Variants in ASPRV1 observed in about 807,000 individuals in gnomAD.
The protein encoded by ASPRV1 is retroviral-like aspartic protease 1.
A neutral mutation model predicts 11.0 loss-of-function variants in ASPRV1; 7 were observed. The observed-to-expected ratio is 0.64, with a 90% confidence interval of 0.36 to 1.20. The LOEUF is 1.20. Ranked by LOEUF, ASPRV1 falls within the 50% of genes most tolerant of loss-of-function variation. ASPRV1 has a pLI of 0.02. For synonymous variants in ASPRV1, 136 were observed against 138.4 expected (o/e 0.98, Z 0.12); for missense variants, 299 against 320.0 (o/e 0.93, Z 0.50).
downstream of ASPRV1, among the ~76,000 whole-genome samples, chr2:69,957,938 G>C (rs963351599): frequency 6.6e-5 from 10 of 152,146 alleles, no homozygotes; most frequent in African/African-American, 2.4e-4. Flanking sequence ...TCCCAGCAGA[G>C]CCTTTGCTGC....
chr2:70,027,219 A>G, the ASPRV1 span, among the ~76,000 whole-genome samples: 10 of 136,008 alleles, frequency 7.4e-5, no homozygotes, highest in Non-Finnish European at 1.1e-4. Flanking sequence ...GATCCTGGCC[A>G]CTGCACTCAG....
the ASPRV1 span, among the ~76,000 whole-genome samples, chr2:70,002,799 G>T: frequency 3.9e-5 from 6 of 152,124 alleles, no homozygotes; most frequent in African/African-American, 1.4e-4. Context: ...TCTTAAACTG[G>T]GGGGCTGATC....
the ASPRV1 span, among the ~76,000 whole-genome samples, chr2:70,022,078 G>A: frequency 1.5e-4 from 22 of 150,642 alleles, no homozygotes; most frequent in East Asian, 3.8e-3. Context: ...GCAGTGGTGC[G>A]ATCTCGGCTC....
chr2:70,040,876 G>A, the ASPRV1 span, among the ~76,000 whole-genome samples: 4 of 152,160 alleles, frequency 2.6e-5, no homozygotes, highest in Non-Finnish European at 5.9e-5. Context: ...GCAAATACTT[G>A]TAGACTGACC....
the ASPRV1 span, among the ~76,000 whole-genome samples, chr2:70,069,960 T>C: frequency 6.6e-6 from 1 of 152,086 alleles, no homozygotes; most frequent in Non-Finnish European, 1.5e-5. Flanking sequence ...CAACAAGTGT[T>C]ATTTTTAAAA....
At chr2:70,084,082 G>A in the ASPRV1 span, among the ~76,000 whole-genome samples, 1 of 152,186 alleles carries the variant, frequency 6.6e-6, no homozygotes, top group Non-Finnish European at 1.5e-5. Flanking sequence ...GGGGAAGGAG[G>A]GAGGCTAAGA....
the ASPRV1 span, among the ~76,000 whole-genome samples, chr2:70,026,033 G>A: frequency 6.6e-6 from 1 of 152,182 alleles, no homozygotes; most frequent in African/African-American, 2.4e-5. Context: ...TCTAAGATAT[G>A]GAACAACAGC....
chr2:70,020,711 C>T, the ASPRV1 span, among the ~76,000 whole-genome samples: 2 of 152,052 alleles, frequency 1.3e-5, no homozygotes, highest in East Asian at 1.9e-4. Flanking sequence ...CATTGCACTC[C>T]AGCCTGGGCA....
At chr2:70,006,349 C>T in the ASPRV1 span, among the ~76,000 whole-genome samples, 32 of 152,218 alleles carry the variant, frequency 2.1e-4, no homozygotes, top group African/African-American at 6.7e-4. Context: ...GGGCCCCCTA[C>T]GGTTAGGTGT....
At chr2:70,075,845 G>A in the ASPRV1 span, among the ~76,000 whole-genome samples, 5 of 150,898 alleles carry the variant, frequency 3.3e-5, no homozygotes, top group East Asian at 3.9e-4. Flanking sequence ...GCAAAACTCC[G>A]TCTCAAAGAA....
At chr2:70,068,390 A>T in the ASPRV1 span, among the ~76,000 whole-genome samples, 11 of 152,210 alleles carry the variant, frequency 7.2e-5, no homozygotes, top group African/African-American at 2.7e-4. Context: ...TAAAGATTCC[A>T]AATGAAGTGC....
chr2:69,958,672 T>C (rs1193936165), downstream of ASPRV1, among the ~76,000 whole-genome samples: 2 of 152,038 alleles, frequency 1.3e-5, no homozygotes, highest in African/African-American at 2.4e-5. Context: ...GCCACCTGGA[T>C]TGTTCCCTCG....
At chr2:69,964,588 C>T, upstream of ASPRV1, 1 of 267,944 alleles carries the variant, frequency 3.7e-6, no homozygotes, top group East Asian at 1.0e-4. Context: ...GTGCCACTAC[C>T]TCCTCCCAGA....
the ASPRV1 span, chr2:70,049,496 A>G: frequency 6.6e-6 from 1 of 152,132 alleles, no homozygotes; most frequent in Admixed American, 6.6e-5. Context: ...AAATAAGCTG[A>G]CTAGCACAGA....
At chr2:70,082,132 G>A in the ASPRV1 span, among the ~76,000 whole-genome samples, 8 of 151,056 alleles carry the variant, frequency 5.3e-5, no homozygotes, top group East Asian at 1.4e-3. Context: ...GCACCATCAC[G>A]CCCAGCTAAT....
At chr2:69,985,187 C>T in the ASPRV1 span, among the ~76,000 whole-genome samples, 2 of 152,164 alleles carry the variant, frequency 1.3e-5, no homozygotes, top group Non-Finnish European at 2.9e-5. Flanking sequence ...TCCAAACCTA[C>T]GCTCTTTTCT....
chr2:69,946,375 C>T, the ASPRV1 span, among the ~76,000 whole-genome samples: 1 of 150,858 alleles, frequency 6.6e-6, no homozygotes, highest in Non-Finnish European at 1.5e-5. Flanking sequence ...GCCAACTCCA[C>T]CCTTAACACC....
At chr2:69,945,977 T>A in the ASPRV1 span, among the ~76,000 whole-genome samples, 4 of 151,698 alleles carry the variant, frequency 2.6e-5, no homozygotes, top group South Asian at 2.1e-4. Flanking sequence ...AGAAGGCACC[T>A]GGGAGGGCCT....
chr2:69,963,628 T>G (rs1026005601), upstream of ASPRV1: 5 of 363,310 alleles, frequency 1.4e-5, no homozygotes, highest in South Asian at 2.0e-5. Flanking sequence ...GTGGTAGATG[T>G]TGAATTCCGA....
Sources: gnomAD v4.1 joint callset for allele counts (sites outside exome capture counted in the v4.1 genomes callset) on GRCh38, gnomAD v4.1.1 for gene constraint, MANE v1.5 for transcripts, NCBI Gene and HGNC (gene_info 2026-07-23, HGNC 2026-07-21) for gene names.